Variants in PCDH12 observed in about 807,000 individuals in gnomAD.
PCDH12 encodes protocadherin-12.
PCDH12 carries 45 observed loss-of-function variants against 70.9 expected under a neutral mutation model. The ratio of observed to expected loss-of-function variants is 0.63; its 90% CI spans 0.50 to 0.81. PCDH12 has a LOEUF of 0.81. Among genes scored for constraint, PCDH12 ranks in the 40% least tolerant of loss-of-function variants. The probability of loss-of-function intolerance (pLI) is 0.00; values close to 1 mark genes in which losing one functional copy is unlikely to be tolerated. For missense variants in PCDH12, 1,370 were observed against 1,491.7 expected (o/e 0.92, Z 1.34); for synonymous variants, 567 against 626.0 (o/e 0.91, Z 1.41).
In PCDH12 at chr5:141,957,635, G is replaced by T; in HGVS notation, c.217C>A (p.Gln73Lys). ...GAAFQVLQLP[Q>K]ALPIQVDSEE... The stretch of plus-strand genomic sequence containing the variant: ...GAGTCCACCTGAATGGGGAGCGCCT[G>T]AGGCAGCTGCAACACCTGGAAGGCA... Residue 73 changes from glutamine to lysine, a missense_variant, in exon 1 of 4, where the codon CAG (glutamine) becomes AAG (lysine). By Grantham distance (53) the Gln-to-Lys change is moderately conservative. Coordinates refer to ENST00000231484, the MANE Select transcript of PCDH12 (RefSeq NM_016580.4). This position sits in a 1 kb window ranked among gnomAD's most constrained non-coding sequence, Gnocchi z 4.3. 6.2e-7 allele frequency: 1 copy of T among 1,614,206 alleles called. No individual in the cohort carries two copies. Among genetic ancestry groups the T allele is most frequent in the Non-Finnish European group, 8.5e-7 (1 of 1,180,032 alleles).
chr5:141,954,613 T>G (rs2126926138), intron 1 of PCDH12, among the ~76,000 whole-genome samples: 1 of 152,332 alleles, frequency 6.6e-6, no homozygotes, highest in African/African-American at 2.4e-5. Context: ...TGCCCAAAGC[T>G]TATACTCTTA....
rs1752882743 is a variant in PCDH12 at position 141,945,390 on chromosome 5, C to CCTGCTGGTG, written c.3545_3546insCACCAGCAG (p.Ser1181_Arg1182insSerThrSer). 1 of 1,551,102 alleles carries CCTGCTGGTG rather than the reference C, an allele frequency of 6.4e-7. No individual in the cohort carries two copies. The highest frequency in any genetic ancestry group is 1.7e-5 in the Admixed American group (1 of 57,728). On this transcript the variant is annotated inframe_insertion, in exon 4 of 4. Coordinates refer to ENST00000231484, the MANE Select transcript of PCDH12 (RefSeq NM_016580.4). ...GGCGTCTGAGGTATGTTCACAGGCA[C>CCTGCTGGTG]CTGCTGCTGCTGCTGCTGCCTCTGC...
In PCDH12 at chr5:141,957,826, A is replaced by G. The variant is rs766911060; in HGVS notation, c.26T>C (p.Leu9Pro). The G allele has an allele frequency of 6.2e-6, 10 of 1,600,444 alleles. No homozygotes were observed. The highest frequency in any genetic ancestry group is 8.5e-6 in the Non-Finnish European group (10 of 1,179,372). Residue 9 changes from leucine (L) to proline (P), a missense_variant, in exon 1 of 4, where the codon CTG becomes CCG. Coordinates refer to ENST00000231484, the MANE Select transcript of PCDH12 (RefSeq NM_016580.4). This position sits in a 1 kb window ranked among gnomAD's most constrained non-coding sequence, Gnocchi z 4.3. Reference protein sequence around the residue: MMQLLQLLLGLLGPGGYLF... With the variant: MMQLLQLLPGLLGPGGYLF... ...GTAGCCACCTGGCCCCAAAAGCCCC[A>G]GCAGAAGTTGCAGAAGTTGCATCAT...
rs1395450393 is a variant in PCDH12 at position 141,957,677 on chromosome 5, G to T, written c.175C>A (p.Arg59=). 3 of 1,614,012 alleles carry T rather than the reference G, an allele frequency of 1.9e-6. No homozygotes were observed. The highest frequency in any genetic ancestry group is 4.5e-5 in the East Asian group (2 of 44,894). ...TGGAAGGCAGCCCCAGCTTGCCTCC[G>T]CCTCTCCTCCCGGCCCAGTTCCTGG... ...LSQELGREER[R]RQAGAAFQVL... The change falls in exon 1 of 4, where the codon CGG becomes AGG. Residue 59 remains arginine (R), a synonymous_variant. Transcript: ENST00000231484. This position sits in a 1 kb window ranked among gnomAD's most constrained non-coding sequence, Gnocchi z 4.3.
At chr5:141,951,291 A>G (rs1753075417) in intron 2 of PCDH12, among the ~76,000 whole-genome samples, 1 of 152,100 alleles carries the variant, frequency 6.6e-6, no homozygotes, top group Non-Finnish European at 1.5e-5. Flanking sequence ...GTCCTACAGG[A>G]CTTCTAGGTC....
At position 141,956,106 on chromosome 5, in the gene PCDH12, A is replaced by C; in HGVS notation, c.1746T>G (p.Asn582Lys). 3 of 1,614,180 alleles carry C rather than the reference A, an allele frequency of 1.9e-6. No homozygotes were observed. The highest frequency in any genetic ancestry group is 2.5e-6 in the Non-Finnish European group (3 of 1,180,018). The change falls in exon 1 of 4, where the codon AAT becomes AAG. Residue 582 changes from asparagine (N) to lysine (K), a missense_variant. Transcript: ENST00000231484. ...GCACCAGCAGGTGGCCTGTGGAGGC[A>C]TTCACAAGCACGGAGAGGCTGGCTT... Reference protein sequence around the residue: ...DGKASLSVLVNASTGHLLVPI... With the variant: ...DGKASLSVLVKASTGHLLVPI...
At position 141,956,355 on chromosome 5, in the gene PCDH12, G is replaced by T; in HGVS notation, c.1497C>A (p.Ile499=). 1 of 1,614,212 alleles carries T rather than the reference G, an allele frequency of 6.2e-7. No homozygotes were observed. Among genetic ancestry groups the T allele is most frequent in the East Asian group, 2.2e-5 (1 of 44,890 alleles). ...CTAAGTGAGCAACTGGGGAGTCCTG[G>T]ATGCGGTATGAGACTTTTCCATTAA... ...LGINGKVSYR[I]QDSPVAHLVA... Residue 499 remains isoleucine, a synonymous_variant, in exon 1 of 4, where the codon ATC becomes ATA. Coordinates refer to ENST00000231484, the MANE Select transcript of PCDH12 (RefSeq NM_016580.4).
At chr5:141,953,694 A>C (rs1173734920) in intron 1 of PCDH12, among the ~76,000 whole-genome samples, 2 of 152,244 alleles carry the variant, frequency 1.3e-5, no homozygotes, top group African/African-American at 4.8e-5. Flanking sequence ...GAGTTTATCC[A>C]AAAAGCACCT....
rs747027342 is a variant in PCDH12, at chr5:141,955,452, C to G, written c.2400G>C (p.Lys800Asn). ...EVGQSHKDVDKEAMMEAGWDP... is the reference protein window; with the variant it reads ...EVGQSHKDVDNEAMMEAGWDP... ...CCCAGCCTGCTTCCATCATCGCCTC[C>G]TTGTCCACATCTTTGTGGGACTGCC... The change falls in exon 1 of 4, where the codon AAG (lysine) becomes AAC (asparagine). Residue 800 changes from lysine to asparagine, a missense_variant. By Grantham distance (94) the Lys-to-Asn change is moderately conservative (BLOSUM62 0). Coordinates refer to ENST00000231484, the MANE Select transcript of PCDH12 (RefSeq NM_016580.4). This position sits in a 1 kb window ranked among gnomAD's most constrained non-coding sequence, Gnocchi z 5.5. 38 of 1,614,076 alleles carry G rather than the reference C, an allele frequency of 2.4e-5. No homozygotes were observed. The highest frequency in any genetic ancestry group is 3.1e-5 in the Non-Finnish European group (37 of 1,179,946).
In PCDH12 at chr5:141,957,094, A is replaced by G. The variant is rs1214506496; in HGVS notation, c.758T>C (p.Ile253Thr). 1 of 1,614,058 alleles carries G rather than the reference A, an allele frequency of 6.2e-7. No homozygotes were observed. Among genetic ancestry groups the G allele is most frequent in the Non-Finnish European group, 8.5e-7 (1 of 1,180,016 alleles). Residue 253 changes from isoleucine (I) to threonine (T), a missense_variant, in exon 1 of 4, where the codon ATC becomes ACC. Coordinates refer to ENST00000231484, the MANE Select transcript of PCDH12 (RefSeq NM_016580.4). The surrounding 1 kb of genome is among the most constrained non-coding windows in gnomAD (Gnocchi z 4.3). ...AFAESSLALE[I>T]QEDAAPGTLL... ...CGTACCAGGTGCAGCATCTTCTTGG[A>G]TTTCCAGTGCCAGTGAACTCTCAGC... is the stretch of plus-strand genomic sequence containing the variant.
In PCDH12 at chr5:141,957,700, T is replaced by C. The variant is rs138473035; in HGVS notation, c.152A>G (p.Gln51Arg). 896 of 1,614,146 alleles carry C rather than the reference T, an allele frequency of 5.6e-4. 2 individuals carry two copies. The highest frequency in any genetic ancestry group is 2.5e-3 in the Middle Eastern group (15 of 6,062). ...PSGTVIGKLS[Q>R]ELGREERRRQ... is the part of the protein sequence containing the mutation. Reference sequence around the variant, plus strand: ...CCGCCTCTCCTCCCGGCCCAGTTCCTGGGACAGCTTCCCGATCACTGTACC... The same window carrying C: ...CCGCCTCTCCTCCCGGCCCAGTTCCCGGGACAGCTTCCCGATCACTGTACC... The change falls in exon 1 of 4, where the codon CAG (glutamine) becomes CGG (arginine). Residue 51 changes from glutamine to arginine, a missense_variant. Transcript: ENST00000231484. The surrounding 1 kb of genome is among the most constrained non-coding windows in gnomAD (Gnocchi z 4.3).
rs200704759 is a variant in PCDH12 at position 141,951,538 on chromosome 5, G to A, written c.2933C>T (p.Pro978Leu). 3 of 1,614,222 alleles carry A rather than the reference G, an allele frequency of 1.9e-6. No homozygotes were observed. The highest frequency in any genetic ancestry group is 2.2e-5 in the South Asian group (2 of 91,082). The change falls in exon 2 of 4, where the codon CCA (proline) becomes CTA (leucine). Residue 978 changes from proline to leucine, a missense_variant. Physicochemically the swap from Pro to Leu is moderately conservative, Grantham distance 98 (BLOSUM62 -3). Transcript: ENST00000231484. ...CAAGTACTTATTTCCTCGGTGGTTTGGTTTGGGCTGGAATTGGCCCTGATG... is the reference window on the plus strand; with the variant it reads ...CAAGTACTTATTTCCTCGGTGGTTTAGTTTGGGCTGGAATTGGCCCTGATG... ...LLHQGQFQPKPNHRGNKYLAK... is the reference protein window; with the variant it reads ...LLHQGQFQPKLNHRGNKYLAK...
At position 141,957,272 on chromosome 5, in the gene PCDH12, C is replaced by T; in HGVS notation, c.580G>A (p.Ala194Thr). The T allele has an allele frequency of 6.2e-7, 1 of 1,613,804 alleles. No homozygotes were observed. The highest frequency in any genetic ancestry group is 2.2e-5 in the East Asian group (1 of 44,884). The change falls in exon 1 of 4, where the codon GCA becomes ACA. Residue 194 changes from alanine to threonine, a missense_variant. Transcript: ENST00000231484. The surrounding 1 kb of genome is among the most constrained non-coding windows in gnomAD (Gnocchi z 4.3). ...AGCTCCTTCACCACTATGAGTTCTG[C>T]ATGTTTGGTCTCATCAGGGCCCACA... ...VIVGPDETKHAELIVVKELDR... is the reference protein window; with the variant it reads ...VIVGPDETKHTELIVVKELDR...
rs1388934669 is a variant in PCDH12, at chr5:141,957,770, TC to T, written c.81del (p.Thr28ProfsTer5). 1 of 1,610,522 alleles carries T rather than the reference TC, an allele frequency of 6.2e-7. No individual in the cohort carries two copies. Among genetic ancestry groups the T allele is most frequent in the Non-Finnish European group, 8.5e-7 (1 of 1,180,024 alleles). ...YLFLLGDCQE[V>X]TTLTVKYQVS... Reference sequence around the variant, plus strand: ...ACTTGGTATTTCACCGTGAGAGTGGTCACCTCCTGACAATCCCCTAAAAGAA... The same window carrying T: ...ACTTGGTATTTCACCGTGAGAGTGGTACCTCCTGACAATCCCCTAAAAGAA... On this transcript the variant is annotated frameshift_variant, in exon 1 of 4. Coordinates refer to ENST00000231484, the MANE Select transcript of PCDH12 (RefSeq NM_016580.4). LOFTEE classifies it high-confidence loss of function. The surrounding 1 kb of genome is among the most constrained non-coding windows in gnomAD (Gnocchi z 4.3).
intron 3 of PCDH12, 199 bp downstream of exon 3, chr5:141,949,233 T>TAAAA: frequency 4.7e-6 from 3 of 639,348 alleles, no homozygotes; most frequent in Non-Finnish European, 5.8e-6. Flanking sequence ...AGACCCTGTC[T>TAAAA]AAAAAAAAAA....
At chr5:141,950,072 A>G (rs1468927622) in intron 2 of PCDH12, among the ~76,000 whole-genome samples, 1 of 152,170 alleles carries the variant, frequency 6.6e-6, no homozygotes, top group Non-Finnish European at 1.5e-5. Context: ...AGGGCGTGGC[A>G]CACAGTGGGT....
In PCDH12 at chr5:141,958,171, A is replaced by C; in HGVS notation, c.-320T>G. On this transcript the variant is annotated 5_prime_UTR_variant, in exon 1 of 4. Coordinates refer to ENST00000231484, the MANE Select transcript of PCDH12 (RefSeq NM_016580.4). ...GAGGGACCTGACCCAGTTGAGCAGG[A>C]TGTGGGACTCTGACTGCCAAACAGT... The C allele has an allele frequency of 3.3e-6, 1 of 299,288 alleles. No individual in the cohort carries two copies. Among genetic ancestry groups the C allele is most frequent in the Non-Finnish European group, 6.2e-6 (1 of 160,412 alleles). The allele number at this position is 299,288 out of a possible 1,614,324, so 18.5% of individuals were successfully genotyped here. A position where few individuals can be genotyped will look rare whatever the true frequency, so the allele number is the denominator to read the frequency against.
At chr5:141,948,554 C>G (rs1753001310) in intron 3 of PCDH12, among the ~76,000 whole-genome samples, 1 of 152,120 alleles carries the variant, frequency 6.6e-6, no homozygotes, top group Non-Finnish European at 1.5e-5. Flanking sequence ...CTAATTATTT[C>G]TCTGCAAAAA....
chr5:141,957,438 G>A lies in PCDH12; in HGVS notation c.414C>T (p.Gly138=), dbSNP rs377101273. 9.8e-5 allele frequency: 158 copies of A among 1,612,322 alleles called. No homozygotes were observed. Among genetic ancestry groups the A allele is most frequent in the Non-Finnish European group, 1.2e-4 (141 of 1,179,250 alleles). ...TCTCAGAGATTTCCAGCTCCTGCTC[G>A]CCTTTGGGAAACCGTGGCTGGTGGT... The part of the protein sequence containing the change: ...INDHQPRFPK[G]EQELEISESA... Residue 138 remains glycine, a synonymous_variant, in exon 1 of 4, where the codon GGC becomes GGT. Transcript: ENST00000231484. The surrounding 1 kb of genome is among the most constrained non-coding windows in gnomAD (Gnocchi z 4.3).
Sources: gnomAD v4.1 joint callset for allele counts (sites outside exome capture counted in the v4.1 genomes callset) on GRCh38, gnomAD v4.1.1 for gene constraint, Gnocchi (gnomAD v3.1) non-coding constraint, MANE v1.5 for transcripts, NCBI Gene and HGNC (gene_info 2026-07-23, HGNC 2026-07-21) for gene names.